ST6GALNAC5: variants seen among roughly 807,000 people sequenced by gnomAD.
ST6GALNAC5 encodes the protein alpha-N-acetylgalactosaminide alpha-2,6-sialyltransferase 5.
In ST6GALNAC5, 27 loss-of-function variants were observed where a neutral mutation model predicts 33.6. The observed-to-expected ratio is 0.80, with a 90% CI of 0.59 to 1.11. ST6GALNAC5 has a LOEUF of 1.11. Among genes scored for constraint, ST6GALNAC5 ranks in the 50% least tolerant of loss-of-function variants. The pLI is 0.00. For missense variants in ST6GALNAC5, 428 were observed against 454.0 expected (o/e 0.94, Z 0.52); for synonymous variants, 194 against 171.2 (o/e 1.13, Z -1.04).
intron 2 of ST6GALNAC5, among the ~76,000 whole-genome samples, chr1:76,981,699 C>T (rs1649258318): frequency 6.6e-6 from 1 of 152,150 alleles, no homozygotes; most frequent in South Asian, 2.1e-4. Flanking sequence ...GGGTCCCTGA[C>T]CCCCTTGTAG....
intron 2 of ST6GALNAC5, among the ~76,000 whole-genome samples, chr1:76,941,154 A>G (rs764252239): frequency 4.6e-5 from 7 of 152,072 alleles, no homozygotes; most frequent in South Asian, 4.1e-4. Flanking sequence ...AATGGGTTCA[A>G]TGTTTTGAAA....
At chr1:76,871,037 A>G (rs1653490615) in intron 2 of ST6GALNAC5, among the ~76,000 whole-genome samples, 1 of 152,228 alleles carries the variant, frequency 6.6e-6, no homozygotes, top group African/African-American at 2.4e-5. Flanking sequence ...GGTCATATGA[A>G]GGTGCATGTG....
chr1:76,914,625 A>C lies in ST6GALNAC5; in HGVS notation c.261+45883A>C, dbSNP rs1570667911. Among the ~76,000 whole-genome samples the C allele has an allele frequency of 2.0e-5, 3 of 152,352 alleles. No individual in the cohort carries two copies. The South Asian group carries it at 6.2e-4, about 32-fold the overall frequency. On this transcript the variant is annotated intron_variant, in intron 2 of 4. Coordinates refer to ENST00000477717, the MANE Select transcript of ST6GALNAC5 (RefSeq NM_030965.3). ...CTATTTAATAAATGGTGCTGGGAAA[A>C]CAGGCTAGCCATATGTAGACAGCTG...
intron 2 of ST6GALNAC5, among the ~76,000 whole-genome samples, chr1:76,872,403 G>A (rs1367602296): frequency 6.6e-6 from 1 of 152,134 alleles, no homozygotes; most frequent in Non-Finnish European, 1.5e-5. Context: ...CTATCTCTTT[G>A]CTTCAGAAGT....
intron 2 of ST6GALNAC5, among the ~76,000 whole-genome samples, chr1:76,880,894 CATG>C (rs1304097179): frequency 2.0e-5 from 3 of 152,176 alleles, no homozygotes; most frequent in African/African-American, 7.2e-5. Flanking sequence ...GTCTTAGAAA[CATG>C]ATACCTATTA....
intron 2 of ST6GALNAC5, among the ~76,000 whole-genome samples, chr1:77,001,723 C>T (rs1447332939): frequency 1.3e-5 from 2 of 150,776 alleles, no homozygotes; most frequent in Non-Finnish European, 3.0e-5. Flanking sequence ...TTGTCAAAGG[C>T]TTTTTCTGCA....
At chr1:77,029,568 C>T (rs1223452561) in intron 2 of ST6GALNAC5, among the ~76,000 whole-genome samples, 1 of 152,214 alleles carries the variant, frequency 6.6e-6, no homozygotes, top group Non-Finnish European at 1.5e-5. Flanking sequence ...TCCCTAGAGG[C>T]ATGGGGACTA....
chr1:76,966,202 A>G (rs1648470262), intron 2 of ST6GALNAC5, among the ~76,000 whole-genome samples: 1 of 152,088 alleles, frequency 6.6e-6, no homozygotes, highest in Non-Finnish European at 1.5e-5. Flanking sequence ...CAATATGGCC[A>G]TTTTCACCAT....
rs7556301 is a variant in ST6GALNAC5 at position 76,964,781 on chromosome 1, C to T, written c.262-79423C>T. ...CCTGACCCCACCCCATGACAGGCCT[C>T]AGGGTGAGATGTTCCCCACCCTGTG... On this transcript the variant is annotated intron_variant, in intron 2 of 4. Coordinates refer to ENST00000477717, the MANE Select transcript of ST6GALNAC5 (RefSeq NM_030965.3). Among the ~76,000 whole-genome samples the T allele has an allele frequency of 3.7e-3, 560 of 152,158 alleles. 3 individuals carry two copies. The highest frequency in any genetic ancestry group is 0.013 in the African/African-American group (545 of 41,506).
chr1:76,914,804 C>T (rs1349979715), intron 2 of ST6GALNAC5, among the ~76,000 whole-genome samples: 4 of 152,142 alleles, frequency 2.6e-5, no homozygotes, highest in Admixed American at 2.6e-4. Flanking sequence ...GACTAAAACA[C>T]CAAAAGCAAT....
At position 77,067,236 on chromosome 1, in the gene ST6GALNAC5, G is replaced by T; in HGVS notation, c.*4030G>T. ...TACTTTGGAATGGAAAGAGGTGAGA[G>T]TGTCTCAAGGTTTAAAAATGAGCAA... On this transcript the variant is annotated 3_prime_UTR_variant, in exon 5 of 5. Transcript: ENST00000477717. Among the ~76,000 whole-genome samples, 1 of 152,296 alleles carries T rather than the reference G, an allele frequency of 6.6e-6. No individual in the cohort carries two copies. Among genetic ancestry groups the T allele is most frequent in the Middle Eastern group, 3.4e-3 (1 of 294 alleles).
chr1:76,910,731 G>T (rs1024376693), intron 2 of ST6GALNAC5, among the ~76,000 whole-genome samples: 9 of 152,004 alleles, frequency 5.9e-5, no homozygotes, highest in Admixed American at 5.9e-4. Flanking sequence ...ATTAACGTCT[G>T]CATCCATACA....
At chr1:77,040,510 AGG>A in intron 2 of ST6GALNAC5, among the ~76,000 whole-genome samples, 1 of 152,280 alleles carries the variant, frequency 6.6e-6, no homozygotes, top group Middle Eastern at 3.4e-3. Flanking sequence ...CAGTATGGCA[AGG>A]TCAGGAAACT....
In ST6GALNAC5 at chr1:76,915,859, A is replaced by T. The variant is rs1300286278; in HGVS notation, c.261+47117A>T. ...AAAGTACAATAATAATAAATTAAAA[A>T]AAGAATGAAAAATAACAAAAAAAAA... On this transcript the variant is annotated intron_variant, in intron 2 of 4. Transcript: ENST00000477717. Among the ~76,000 whole-genome samples the T allele has an allele frequency of 3.3e-5, 5 of 149,926 alleles. No homozygotes were observed. In the South Asian group the frequency reaches 1.0e-3, roughly 31 times the overall value.
chr1:77,057,396 A>G (rs1652437604), intron 4 of ST6GALNAC5, among the ~76,000 whole-genome samples: 1 of 152,238 alleles, frequency 6.6e-6, no homozygotes, highest in Admixed American at 6.5e-5. Context: ...TATAAATTTT[A>G]CGTGACACCA....
At chr1:77,045,154 C>T (rs546298757) in intron 3 of ST6GALNAC5, among the ~76,000 whole-genome samples, 1 of 152,266 alleles carries the variant, frequency 6.6e-6, no homozygotes, top group African/African-American at 2.4e-5. Context: ...GTAGATGTGC[C>T]ATGGGCCCTA....
At chr1:76,891,766 CAG>C (rs760076869) in intron 2 of ST6GALNAC5, among the ~76,000 whole-genome samples, 1 of 152,144 alleles carries the variant, frequency 6.6e-6, no homozygotes, top group Non-Finnish European at 1.5e-5. Flanking sequence ...CATGATGTGA[CAG>C]AGAGGTCCAG....
At position 77,050,326 on chromosome 1, in the gene ST6GALNAC5, G is replaced by A. The variant is rs774760454; in HGVS notation, c.740G>A (p.Arg247Lys). Residue 247 changes from arginine (R) to lysine (K), a missense_variant, in exon 4 of 5, where the codon AGG becomes AAG. Physicochemically the swap from Arg to Lys is conservative, Grantham distance 26. Transcript: ENST00000477717. Reference sequence around the variant, plus strand: ...ACAATTGCACTGGAGCTCTGTGACAGGATCAATGTTTATGGCATGGTGCCC... The same window carrying A: ...ACAATTGCACTGGAGCTCTGTGACAAGATCAATGTTTATGGCATGGTGCCC... The part of the protein sequence containing the change: ...TMTIALELCD[R>K]INVYGMVPPD... 1 of 1,614,090 alleles carries A rather than the reference G, an allele frequency of 6.2e-7. No homozygotes were observed. Among genetic ancestry groups the A allele is most frequent in the South Asian group, 1.1e-5 (1 of 91,080 alleles).
chr1:77,054,127 AG>A (rs1323038903), intron 4 of ST6GALNAC5, among the ~76,000 whole-genome samples: 2 of 152,252 alleles, frequency 1.3e-5, no homozygotes, highest in Non-Finnish European at 2.9e-5. Context: ...TGAATGAGAC[AG>A]GGTCTCTGCC....
Sources: allele counts gnomAD v4.1 joint callset (sites outside exome capture counted in the v4.1 genomes callset), GRCh38; gene constraint gnomAD v4.1.1; transcripts MANE v1.5; gene names NCBI Gene and HGNC (gene_info 2026-07-23, HGNC 2026-07-21).